The following ALK variants were observed in gnomAD, a reference collection of about 807,000 sequenced individuals.
The protein encoded by ALK is ALK tyrosine kinase receptor.
Under a neutral mutation model 163.1 loss-of-function variants are expected in ALK, and 74 were observed. That is an observed-to-expected ratio of 0.45 (90% CI 0.38 to 0.55). ALK has a LOEUF of 0.55. ALK is among the 20% of genes least tolerant of loss of function. ALK has a pLI of 0.00. For synonymous variants in ALK, 960 were observed against 843.2 expected (o/e 1.14, Z -2.40); for missense variants, 2,063 against 2,105.3 (o/e 0.98, Z 0.39).
rs750194005 is a variant in ALK, at chr2:29,220,710, C to A, written c.3641G>T (p.Arg1214Leu). The A allele has an allele frequency of 6.2e-7, 1 of 1,613,432 alleles. No individual in the cohort carries two copies. Among genetic ancestry groups the A allele is most frequent in the African/African-American group, 1.3e-5 (1 of 74,910 alleles). ...LKSFLRETRP[R>L]PSQPSSLAML... ...CAAAGACTGGTTCTCACTCACCGGG[C>A]GAGGGCGGGTCTCTCGGAGGAAGGA... Residue 1214 changes from arginine (R) to leucine (L), a missense_variant, in exon 23 of 29, where the codon CGC becomes CTC. By Grantham distance (102) the Arg-to-Leu change is moderately radical (BLOSUM62 -2). Around this residue, in one of 5 missense-constraint regions of ALK, gnomAD observed 575 missense variants for 626.6 expected, o/e 0.92. Transcript: ENST00000389048.
At chr2:29,237,166 C>T (rs1664407436) in intron 13 of ALK, among the ~76,000 whole-genome samples, 2 of 152,218 alleles carry the variant, frequency 1.3e-5, no homozygotes, top group Admixed American at 1.3e-4. Context: ...CAGAATTCAA[C>T]CACTTTTCAT....
chr2:29,307,644 C>A (rs1004114885), intron 8 of ALK, among the ~76,000 whole-genome samples: 21 of 152,296 alleles, frequency 1.4e-4, no homozygotes, highest in South Asian at 4.1e-4. Flanking sequence ...AATACTGACT[C>A]ACTGCAAAAT....
chr2:29,339,242 C>CAAAAAA (rs35376835), intron 5 of ALK, among the ~76,000 whole-genome samples: 1 of 135,142 alleles, frequency 7.4e-6, no homozygotes, highest in Non-Finnish European at 1.6e-5. Flanking sequence ...GACTCTATCT[C>CAAAAAA]AAAAAAAAAA....
At chr2:29,736,634 C>T (rs1679899603) in intron 1 of ALK, among the ~76,000 whole-genome samples, 1 of 152,036 alleles carries the variant, frequency 6.6e-6, no homozygotes, top group Admixed American at 6.5e-5. Flanking sequence ...TGAATTTCTA[C>T]TCCCCTTACC....
intron 4 of ALK, among the ~76,000 whole-genome samples, chr2:29,431,687 G>A (rs922990811): frequency 3.9e-5 from 6 of 152,136 alleles, no homozygotes; most frequent in Non-Finnish European, 2.9e-5. Flanking sequence ...CCTCAGATTT[G>A]TATGATAACT....
intron 3 of ALK, among the ~76,000 whole-genome samples, chr2:29,623,302 C>T (rs79808351): frequency 0.011 from 1,691 of 152,150 alleles, 21 homozygotes; most frequent in Non-Finnish European, 0.016. Context: ...CTAGAAATAA[C>T]ATAAATGTCC....
intron 3 of ALK, among the ~76,000 whole-genome samples, chr2:29,538,802 C>T (rs1337540378): frequency 3.3e-5 from 5 of 151,994 alleles, no homozygotes; most frequent in Non-Finnish European, 5.9e-5. Flanking sequence ...TCATAGTTTT[C>T]CTTGCAGGTG....
chr2:29,243,121 G>A (rs1397981219), intron 12 of ALK, among the ~76,000 whole-genome samples: 1 of 152,222 alleles, frequency 6.6e-6, no homozygotes, highest in Non-Finnish European at 1.5e-5. Flanking sequence ...GCAAGGGCTT[G>A]AATGCAGACA....
intron 4 of ALK, among the ~76,000 whole-genome samples, chr2:29,495,374 C>T (rs957656003): frequency 1.3e-5 from 2 of 152,180 alleles, no homozygotes; most frequent in South Asian, 4.1e-4. Flanking sequence ...TGGCACTGCA[C>T]GGTATGTTCC....
intron 4 of ALK, among the ~76,000 whole-genome samples, chr2:29,469,515 A>C (rs1055990583): frequency 6.6e-6 from 1 of 152,180 alleles, no homozygotes; most frequent in Non-Finnish European, 1.5e-5. Flanking sequence ...TTTCACAGGC[A>C]TGCTGCACCT....
At chr2:29,603,150 T>G (rs1442834157) in intron 3 of ALK, among the ~76,000 whole-genome samples, 1 of 152,206 alleles carries the variant, frequency 6.6e-6, no homozygotes, top group African/African-American at 2.4e-5. Flanking sequence ...ACCAAGGTTC[T>G]TATTATGAAG....
intron 3 of ALK, among the ~76,000 whole-genome samples, chr2:29,596,927 T>C (rs1675231000): frequency 6.6e-6 from 1 of 152,176 alleles, no homozygotes; most frequent in Admixed American, 6.5e-5. Flanking sequence ...ATCATTGCCC[T>C]TTGTGGAGGG....
At chr2:29,208,165 G>T (rs1669365009) in intron 25 of ALK, 2 of 407,692 alleles carry the variant, frequency 4.9e-6, no homozygotes, top group Admixed American at 5.0e-5. Flanking sequence ...GTATGTGCAA[G>T]GCTCAGTGAC....
chr2:29,622,003 T>C (rs1676050869), intron 3 of ALK, among the ~76,000 whole-genome samples: 2 of 152,178 alleles, frequency 1.3e-5, no homozygotes, highest in Non-Finnish European at 2.9e-5. Flanking sequence ...CACCTCACTA[T>C]GCTGCCAGAT....
rs889088289 is a variant in ALK, at chr2:29,749,623, T to C, written c.668-31926A>G. On this transcript the variant is annotated intron_variant, in intron 1 of 28. Coordinates refer to ENST00000389048, the MANE Select transcript of ALK (RefSeq NM_004304.5). ...GCTGAGCAGGAGGGAAGCTGCTCCA[T>C]AGGGCGGTGGGCCCATCGTTCTCAG... Among the ~76,000 whole-genome samples, 9 of 152,240 alleles carry C rather than the reference T, an allele frequency of 5.9e-5. 1 individual carries two copies. In the South Asian group the frequency reaches 1.7e-3, roughly 28 times the overall value.
At chr2:29,774,984 T>C (rs1681131407) in intron 1 of ALK, among the ~76,000 whole-genome samples, 1 of 152,194 alleles carries the variant, frequency 6.6e-6, no homozygotes, top group Non-Finnish European at 1.5e-5. Context: ...GATTTCTTTG[T>C]GGATATAGTT....
intron 5 of ALK, among the ~76,000 whole-genome samples, chr2:29,368,986 C>T (rs558220635): frequency 1.3e-5 from 2 of 152,184 alleles, no homozygotes; most frequent in Non-Finnish European, 2.9e-5. Context: ...CGCCAGCACT[C>T]GCCATGAATT....
chr2:29,412,423 G>T (rs1669746707), intron 4 of ALK, among the ~76,000 whole-genome samples: 1 of 152,142 alleles, frequency 6.6e-6, no homozygotes. Context: ...AGGGTTTCCA[G>T]CTCTAGTCTG....
intron 5 of ALK, among the ~76,000 whole-genome samples, chr2:29,367,227 G>A (rs1199404295): frequency 2.0e-5 from 3 of 152,190 alleles, no homozygotes; most frequent in African/African-American, 4.8e-5. Context: ...GGAGGGTAAG[G>A]ATTCGGGACA....
Sources: gnomAD v4.1 joint callset for allele counts (sites outside exome capture counted in the v4.1 genomes callset) on GRCh38, gnomAD v4.1.1 for gene constraint, gnomAD v4.1.1 regional missense constraint, MANE v1.5 for transcripts, NCBI Gene and HGNC (gene_info 2026-07-23, HGNC 2026-07-21) for gene names.